The following KIF21A variants were observed in gnomAD, a reference collection of about 807,000 sequenced individuals.
KIF21A encodes the protein kinesin family member 21A, also known as kinesin-like protein KIF21A.
KIF21A carries 114 observed loss-of-function variants against 202.9 expected under a neutral mutation model. The observed-to-expected ratio is 0.56, with a 90% CI of 0.48 to 0.66. The LOEUF (loss-of-function observed/expected upper bound fraction) is 0.66. Among genes scored for constraint, KIF21A ranks in the 30% least tolerant of loss-of-function variants. The probability of loss-of-function intolerance (pLI) is 0.00; values close to 1 mark genes in which losing one functional copy is unlikely to be tolerated. For synonymous variants in KIF21A, 667 were observed against 670.8 expected (o/e 0.99, Z 0.09); for missense variants, 1,677 against 1,994.9 (o/e 0.84, Z 3.04).
chr12:39,320,139 C>CA (rs1212264452), intron 27 of KIF21A, 126 bp from the exon 28 acceptor site: 1 of 621,654 alleles, frequency 1.6e-6, no homozygotes, highest in Non-Finnish European at 2.8e-6. Context: ...TACTTGAGAA[C>CA]AAAAAATAAA....
At chr12:39,326,736 G>A (rs888584760) in intron 24 of KIF21A, among the ~76,000 whole-genome samples, 2 of 152,200 alleles carry the variant, frequency 1.3e-5, no homozygotes, top group Non-Finnish European at 2.9e-5. Flanking sequence ...TACATAAAGT[G>A]TAAATATAGT....
At chr12:39,404,231 TGAG>T (rs975912775) in intron 1 of KIF21A, among the ~76,000 whole-genome samples, 21 of 152,154 alleles carry the variant, frequency 1.4e-4, no homozygotes, top group African/African-American at 4.8e-4. Flanking sequence ...CCCAAGTAGC[TGAG>T]GTAAGAGGCA....
At chr12:39,342,685 C>G (rs961862352) in intron 12 of KIF21A, among the ~76,000 whole-genome samples, 1 of 152,086 alleles carries the variant, frequency 6.6e-6, no homozygotes, top group Non-Finnish European at 1.5e-5. Context: ...TTAGGCTGCC[C>G]GTACAGCACA....
intron 1 of KIF21A, among the ~76,000 whole-genome samples, chr12:39,375,257 T>C (rs1029304546): frequency 1.3e-5 from 2 of 152,190 alleles, no homozygotes. Context: ...GAAAGGCTTA[T>C]ACTTGCTACC....
chr12:39,345,457 T>C (rs1039822625), intron 12 of KIF21A, among the ~76,000 whole-genome samples: 1 of 151,880 alleles, frequency 6.6e-6, no homozygotes, highest in Non-Finnish European at 1.5e-5. Context: ...TTATGGCATG[T>C]AAGTATAAAA....
intron 1 of KIF21A, among the ~76,000 whole-genome samples, chr12:39,435,500 C>G (rs891319260): frequency 6.6e-6 from 1 of 152,008 alleles, no homozygotes; most frequent in Non-Finnish European, 1.5e-5. Flanking sequence ...GGTGACAGGC[C>G]TCCATTACAA....
At chr12:39,340,441 C>G in intron 15 of KIF21A, 77 bp from the exon 16 acceptor site, 1 of 1,129,178 alleles carries the variant, frequency 8.9e-7, no homozygotes, top group Non-Finnish European at 1.3e-6. Context: ...CAGTCCATAT[C>G]CTAAGAGAAG....
chr12:39,334,269 CTT>C (rs913412760), intron 17 of KIF21A, among the ~76,000 whole-genome samples: 5 of 150,950 alleles, frequency 3.3e-5, no homozygotes, highest in African/African-American at 1.2e-4. Flanking sequence ...GAACTTAGGT[CTT>C]AATTCCAGTT....
At chr12:39,315,065 T>C (rs1944395219) in intron 31 of KIF21A, among the ~76,000 whole-genome samples, 164 bp downstream of exon 31, 1 of 151,998 alleles carries the variant, frequency 6.6e-6, no homozygotes, top group African/African-American at 2.4e-5. Flanking sequence ...TTTTGAAATA[T>C]AAAATCAACT....
chr12:39,354,437 A>C (rs1948620172), intron 10 of KIF21A, among the ~76,000 whole-genome samples: 1 of 152,176 alleles, frequency 6.6e-6, no homozygotes, highest in Non-Finnish European at 1.5e-5. Context: ...AATAATGGGA[A>C]TACACATGAT....
chr12:39,344,149 TATGATAAAC>T (rs755824493), intron 12 of KIF21A, among the ~76,000 whole-genome samples: 2 of 152,180 alleles, frequency 1.3e-5, no homozygotes, highest in Non-Finnish European at 2.9e-5. Context: ...AAAGAACTCT[TATGATAAAC>T]AAGAAATAAT....
rs1948854860 is a variant in KIF21A, at chr12:39,357,394, T to A, written c.1259A>T (p.Asp420Val). 6.2e-7 allele frequency: 1 copy of A among 1,614,044 alleles called. No homozygotes were observed. Among genetic ancestry groups the A allele is most frequent in the Non-Finnish European group, 8.5e-7 (1 of 1,179,990 alleles). Residue 420 changes from aspartate (D) to valine (V), a missense_variant, in exon 9 of 38, where the codon GAC becomes GTC. By Grantham distance (152) the Asp-to-Val change is radical. This residue lies in a region of KIF21A where 966 missense variants were observed against 1,180.9 expected (regional missense o/e 0.82). Coordinates refer to ENST00000361418, the MANE Select transcript of KIF21A (RefSeq NM_001173464.2). ...TAGCATAGCATTCTCATGAAACATG[T>A]CATTGATGCTTTCCACACCCTCTTC... ...IDEEGVESIN[D>V]MFHENAMLQT...
chr12:39,368,638 G>GTTTAT (rs1949760437), intron 3 of KIF21A, among the ~76,000 whole-genome samples: 1 of 151,478 alleles, frequency 6.6e-6, no homozygotes, highest in Non-Finnish European at 1.5e-5. Context: ...GAATAACACT[G>GTTTAT]TTTCTTTTCT....
At position 39,442,947 on chromosome 12, in the gene KIF21A, G is replaced by A. The variant is rs1322283548; in HGVS notation, c.24C>T (p.Ser8=). 3.9e-6 allele frequency: 6 copies of A among 1,523,812 alleles called. No homozygotes were observed. In the East Asian group the frequency reaches 1.0e-4, roughly 26 times the overall value. 94.4% of individuals were successfully genotyped at this position (1,523,812 alleles called of 1,614,324 possible). A position where few individuals can be genotyped will look rare whatever the true frequency, so the allele number is the denominator to read the frequency against. The change falls in exon 1 of 38, where the codon AGC becomes AGT. Residue 8 remains serine, a synonymous_variant. Transcript: ENST00000361418. The surrounding 1 kb of genome is among the most constrained non-coding windows in gnomAD (Gnocchi z 5.0). ...CTCACCTGACAGCCACCCGCACGGA[G>A]CTCTCGTCCGGGGCGCCCAACATGC... is the stretch of plus-strand genomic sequence containing the variant. MLGAPDE[S]SVRVAVRIRP...
In KIF21A at chr12:39,443,074, C is replaced by T. The variant is rs896423744; in HGVS notation, c.-104G>A. ...CGCAGTAGGCTGGGGCGTCTGCGGG[C>T]GGGCGGCCGGCTCACCTCCGCCGCG... On this transcript the variant is annotated 5_prime_UTR_variant, in exon 1 of 38. Transcript: ENST00000361418. 3 of 1,223,456 alleles carry T rather than the reference C, an allele frequency of 2.5e-6. No individual in the cohort carries two copies. Among genetic ancestry groups the T allele is most frequent in the Non-Finnish European group, 1.1e-6 (1 of 934,616 alleles). 75.8% of individuals were successfully genotyped at this position (1,223,456 alleles called of 1,614,324 possible).
At chr12:39,365,348 T>C (rs910641668) in intron 6 of KIF21A, among the ~76,000 whole-genome samples, 2 of 152,370 alleles carry the variant, frequency 1.3e-5, no homozygotes, top group African/African-American at 2.4e-5. Context: ...AAAGAATCCC[T>C]TGGGTGGTTA....
chr12:39,414,346 A>G (rs561079000), intron 1 of KIF21A, among the ~76,000 whole-genome samples: 16 of 152,344 alleles, frequency 1.1e-4, no homozygotes, highest in African/African-American at 3.8e-4. Context: ...AATGGTTATT[A>G]CATTACTGTC....
intron 3 of KIF21A, 99 bp from the exon 4 acceptor site, chr12:39,368,131 A>G (rs1565999822): frequency 2.7e-6 from 2 of 748,296 alleles, no homozygotes; most frequent in Non-Finnish European, 4.5e-6. Context: ...AGATTTTTAA[A>G]GTATTTCAAA....
At position 39,381,473 on chromosome 12, in the gene KIF21A, A is replaced by G. The variant is rs1037524899; in HGVS notation, c.45-11212T>C. 3.3e-5 allele frequency among the ~76,000 whole-genome samples: 5 copies of G among 152,172 alleles called. No individual in the cohort carries two copies. The South Asian group carries it at 8.3e-4, about 25-fold the overall frequency. On this transcript the variant is annotated intron_variant, in intron 1 of 37. Coordinates refer to ENST00000361418, the MANE Select transcript of KIF21A (RefSeq NM_001173464.2). ...ATCTTGCTTCCTAGAAATCAAAATAACATTTTAAAAATATGGATGATACTG... is the reference window on the plus strand; with the variant it reads ...ATCTTGCTTCCTAGAAATCAAAATAGCATTTTAAAAATATGGATGATACTG...
Sources: gnomAD v4.1 joint callset for allele counts (sites outside exome capture counted in the v4.1 genomes callset) on GRCh38, gnomAD v4.1.1 for gene constraint, gnomAD v4.1.1 regional missense constraint, Gnocchi (gnomAD v3.1) non-coding constraint, MANE v1.5 for transcripts, NCBI Gene and HGNC (gene_info 2026-07-23, HGNC 2026-07-21) for gene names.